RTKN2: variants seen among roughly 807,000 people sequenced by gnomAD.
RTKN2 encodes rhotekin-2.
RTKN2 carries 69 observed loss-of-function variants against 71.5 expected under a neutral mutation model. The observed-to-expected ratio is 0.96, with a 90% CI of 0.79 to 1.18. The LOEUF (loss-of-function observed/expected upper bound fraction) is 1.18. Among genes scored for constraint, RTKN2 ranks in the 50% most tolerant of loss-of-function variants. RTKN2 has a pLI of 0.00. For synonymous variants in RTKN2, 236 were observed against 236.5 expected, an observed-to-expected ratio of 1.00 and a Z score of 0.02; for missense variants, 724 against 719.7, an observed-to-expected ratio of 1.01 and a Z score of -0.07.
Position 62,197,667 on chromosome 10 carries a change from T to TTCTCCTGGC in RTKN2, c.*240_*241insGCCAGGAGA. On this transcript the variant is annotated 3_prime_UTR_variant, in exon 12 of 12. Transcript: ENST00000373789. The stretch of plus-strand genomic sequence containing the variant: ...GGAATAAATTAACCCTTCCAACAAT[T>TTCTCCTGGC]AGGATATTGTCTAGAAACTGCCTCT... The TTCTCCTGGC allele has an allele frequency of 1.5e-6, 2 of 1,301,192 alleles. No individual in the cohort carries two copies. The highest frequency in any genetic ancestry group is 1.9e-6 in the Non-Finnish European group (2 of 1,027,186). The allele number at this position is 1,301,192 out of a possible 1,614,324, so 80.6% of individuals were successfully genotyped here.
intron 9 of RTKN2, 125 bp downstream of exon 9, chr10:62,216,993 T>C: frequency 3.5e-6 from 2 of 568,666 alleles, no homozygotes; most frequent in East Asian, 6.2e-5. Flanking sequence ...AAATCATATT[T>C]ATGAAGTAAC....
intron 6 of RTKN2, among the ~76,000 whole-genome samples, chr10:62,230,474 G>A (rs1298343244): frequency 6.6e-6 from 1 of 152,136 alleles, no homozygotes; most frequent in African/African-American, 2.4e-5. Context: ...ACTGCACTGG[G>A]CCTATTATTT....
At chr10:62,261,641 A>C (rs1286302003) in intron 2 of RTKN2, among the ~76,000 whole-genome samples, 1 of 152,098 alleles carries the variant, frequency 6.6e-6, no homozygotes, top group African/African-American at 2.4e-5. Context: ...ACAGAGCGAG[A>C]CTCTGTCTTT....
chr10:62,232,887 T>C, intron 6 of RTKN2, among the ~76,000 whole-genome samples: 1 of 151,514 alleles, frequency 6.6e-6, no homozygotes, highest in East Asian at 1.9e-4. Context: ...GAGATATTAT[T>C]ATGTATTATT....
downstream of RTKN2, among the ~76,000 whole-genome samples, chr10:62,191,351 C>T (rs1841220386): frequency 6.6e-6 from 1 of 152,110 alleles, no homozygotes; most frequent in African/African-American, 2.4e-5. Flanking sequence ...CACTACATTG[C>T]CCAAGCTGCT....
At chr10:62,207,026 A>G (rs1425853192) in intron 9 of RTKN2, among the ~76,000 whole-genome samples, 2 of 152,062 alleles carry the variant, frequency 1.3e-5, no homozygotes, top group African/African-American at 2.4e-5. Flanking sequence ...ACAAAATAAA[A>G]TAAAATAAAA....
At chr10:62,254,246 T>TC in intron 2 of RTKN2, among the ~76,000 whole-genome samples, 1 of 152,106 alleles carries the variant, frequency 6.6e-6, no homozygotes, top group Non-Finnish European at 1.5e-5. Flanking sequence ...GGGGCGGATT[T>TC]CCCCCTTGCT....
At chr10:62,227,818 G>T (rs1842061655) in intron 6 of RTKN2, among the ~76,000 whole-genome samples, 1 of 152,160 alleles carries the variant, frequency 6.6e-6, no homozygotes, top group African/African-American at 2.4e-5. Context: ...GTGGTGGTGG[G>T]GTGGTGAGAA....
chr10:62,212,868 C>T (rs750276009), intron 9 of RTKN2, among the ~76,000 whole-genome samples: 1 of 152,112 alleles, frequency 6.6e-6, no homozygotes, highest in Non-Finnish European at 1.5e-5. Context: ...CTATATGAGA[C>T]AGTGAAGGTA....
intron 9 of RTKN2, among the ~76,000 whole-genome samples, chr10:62,208,650 T>C (rs796818950): frequency 2.0e-5 from 3 of 151,832 alleles, no homozygotes; most frequent in African/African-American, 7.2e-5. Context: ...AACTGACATA[T>C]AAATGGGAAA....
intron 9 of RTKN2, among the ~76,000 whole-genome samples, chr10:62,211,986 T>G (rs1841669080): frequency 6.6e-6 from 1 of 152,092 alleles, no homozygotes; most frequent in African/African-American, 2.4e-5. Flanking sequence ...TCTTAAAAGT[T>G]TTACTTGATC....
intron 4 of RTKN2, 60 bp downstream of exon 4, chr10:62,241,082 T>C: frequency 1.1e-6 from 1 of 890,166 alleles, no homozygotes; most frequent in Non-Finnish European, 1.8e-6. Context: ...TTTTTCTCAA[T>C]AATCAGATAC....
In RTKN2 at chr10:62,199,774, G is replaced by A. The variant is rs145436742; in HGVS notation, c.1274C>T (p.Thr425Ile). 15 of 1,611,084 alleles carry A rather than the reference G, an allele frequency of 9.3e-6. No individual in the cohort carries two copies. Among genetic ancestry groups the A allele is most frequent in the Non-Finnish European group, 1.3e-5 (15 of 1,177,590 alleles). Residue 425 changes from threonine to isoleucine, a missense_variant, in exon 11 of 12, where the codon ACC becomes ATC. Coordinates refer to ENST00000373789, the MANE Select transcript of RTKN2 (RefSeq NM_145307.4). Reference protein sequence around the residue: ...KPPLFLTKEATSVYHDMSIDS... With the variant: ...KPPLFLTKEAISVYHDMSIDS... ...CTTACTCATATCATGGTAGACTGAG[G>A]TTGCCTCTTTTGTCAAGAACAAAGG... is the stretch of plus-strand genomic sequence containing the variant.
chr10:62,187,277 C>A (rs958002441), intron 8 of RTKN2, among the ~76,000 whole-genome samples: 296 of 119,882 alleles, frequency 2.5e-3, no homozygotes, highest in African/African-American at 3.9e-3. Context: ...TCACAAATCA[C>A]AAAAAAAAAA....
intron 2 of RTKN2, among the ~76,000 whole-genome samples, chr10:62,255,420 G>A (rs769326984): frequency 1.4e-4 from 22 of 152,210 alleles, no homozygotes; most frequent in African/African-American, 2.2e-4. Context: ...AGAATGGATC[G>A]TCTTTTTGTG....
intron 9 of RTKN2, among the ~76,000 whole-genome samples, chr10:62,208,546 C>T (rs993551683): frequency 3.3e-5 from 5 of 152,112 alleles, no homozygotes; most frequent in Non-Finnish European, 5.9e-5. Flanking sequence ...AGACACATGA[C>T]ATGTATTTAA....
chr10:62,261,080 T>C (rs1842764130), intron 2 of RTKN2, among the ~76,000 whole-genome samples: 1 of 152,238 alleles, frequency 6.6e-6, no homozygotes, highest in South Asian at 2.1e-4. Context: ...TTGCATCATG[T>C]ACTCTCAGTG....
chr10:62,216,154 G>T (rs919770405), intron 9 of RTKN2, among the ~76,000 whole-genome samples: 1 of 151,916 alleles, frequency 6.6e-6, no homozygotes, highest in African/African-American at 2.4e-5. Context: ...TTATAGATCA[G>T]TAGACTGGTA....
chr10:62,225,378 C>G (rs1841999606), intron 6 of RTKN2, among the ~76,000 whole-genome samples: 1 of 152,236 alleles, frequency 6.6e-6, no homozygotes, highest in African/African-American at 2.4e-5. Context: ...CTGAGCCTCA[C>G]TCAACCTCTC....
Sources: allele counts gnomAD v4.1 joint callset (sites outside exome capture counted in the v4.1 genomes callset), GRCh38; gene constraint gnomAD v4.1.1; transcripts MANE v1.5; gene names NCBI Gene and HGNC (gene_info 2026-07-23, HGNC 2026-07-21).